The following ITGA8 variants were observed in gnomAD, a reference collection of about 807,000 sequenced individuals.
ITGA8 encodes integrin subunit alpha 8.
Under a neutral mutation model 142.3 loss-of-function variants are expected in ITGA8, and 91 were observed. That is an observed-to-expected ratio of 0.64 (90% CI 0.54 to 0.76). ITGA8 has a LOEUF of 0.76. ITGA8 is among the 30% of genes least tolerant of loss of function. The pLI is 0.00. For missense variants in ITGA8, 1,406 were observed against 1,327.7 expected, an observed-to-expected ratio of 1.06 and a Z score of -0.92; for synonymous variants, 505 against 485.2, an observed-to-expected ratio of 1.04 and a Z score of -0.54.
chr10:15,672,102 C>A (rs1304900548), intron 7 of ITGA8, among the ~76,000 whole-genome samples: 1 of 152,168 alleles, frequency 6.6e-6, no homozygotes, highest in East Asian at 1.9e-4. Context: ...TGGTTTTCCA[C>A]AATTTAGTTT....
In ITGA8 at chr10:15,672,651, G is replaced by T; in HGVS notation, c.775C>A (p.Pro259Thr). The T allele has an allele frequency of 6.2e-7, 1 of 1,613,628 alleles. No homozygotes were observed. Among genetic ancestry groups the T allele is most frequent in the Non-Finnish European group, 8.5e-7 (1 of 1,179,746 alleles). Residue 259 changes from proline to threonine, a missense_variant, in exon 7 of 30, where the codon CCA (proline) becomes ACA (threonine). By Grantham distance (38) the Pro-to-Thr change is conservative. Transcript: ENST00000378076. ...LAGEKQTEVA[P>T]ASYDDSYLGY... Reference sequence around the variant, plus strand: ...AGGTAACTGTCATCATAGGAAGCTGGAGCCACTTCCGTCTGCTTTTCTCCT... The same window carrying T: ...AGGTAACTGTCATCATAGGAAGCTGTAGCCACTTCCGTCTGCTTTTCTCCT...
chr10:15,591,569 A>G (rs1216286438), intron 22 of ITGA8, among the ~76,000 whole-genome samples: 1 of 152,076 alleles, frequency 6.6e-6, no homozygotes, highest in African/African-American at 2.4e-5. Flanking sequence ...CCACACTACT[A>G]CTTTCTTCAG....
In ITGA8 at chr10:15,548,473, C is replaced by T; in HGVS notation, c.2862G>A (p.Trp954Ter). Residue 954 changes from tryptophan to a stop codon, truncating the protein, a stop_gained, in exon 27 of 30, where the codon TGG becomes TGA. Coordinates refer to ENST00000378076, the MANE Select transcript of ITGA8 (RefSeq NM_003638.3). LOFTEE classifies it high-confidence loss of function. ...SAVLKVRSRLWAHTFLQRKND... is the reference protein window; with the variant it reads ...SAVLKVRSRL ...TTATTACCTGGAGGAAGGTGTGGGC[C>T]CATAATCGTGACCTGACTTTCAGGA... 1 of 1,609,202 alleles carries T rather than the reference C, an allele frequency of 6.2e-7. No homozygotes were observed. The highest frequency in any genetic ancestry group is 8.5e-7 in the Non-Finnish European group (1 of 1,178,068).
intron 26 of ITGA8, among the ~76,000 whole-genome samples, chr10:15,555,742 C>G (rs1006235505): frequency 6.6e-6 from 1 of 151,610 alleles, no homozygotes; most frequent in Non-Finnish European, 1.5e-5. Context: ...GTTGCCCAGG[C>G]TGGAGTGCAG....
chr10:15,527,906 C>G (rs530035481), intron 28 of ITGA8, among the ~76,000 whole-genome samples: 1 of 78,034 alleles, frequency 1.3e-5, no homozygotes, highest in African/African-American at 5.3e-5. Flanking sequence ...TTCGGCTGGG[C>G]TTTTTTTTTT....
At chr10:15,649,726 T>G (rs1193704164) in intron 11 of ITGA8, among the ~76,000 whole-genome samples, 1 of 152,110 alleles carries the variant, frequency 6.6e-6, no homozygotes, top group Non-Finnish European at 1.5e-5. Context: ...CGTTAGGAAT[T>G]GCAAATTAAA....
intron 2 of ITGA8, among the ~76,000 whole-genome samples, chr10:15,700,692 A>G (rs971854677): frequency 6.6e-6 from 1 of 152,230 alleles, no homozygotes; most frequent in Non-Finnish European, 1.5e-5. Flanking sequence ...AATATCCAGA[A>G]TCTACAAAGA....
At chr10:15,676,214 A>G (rs1048746575) in intron 6 of ITGA8, among the ~76,000 whole-genome samples, 9 of 151,918 alleles carry the variant, frequency 5.9e-5, no homozygotes, top group Admixed American at 6.6e-5. Context: ...TCACCTAGGT[A>G]CTCCTACGTA....
intron 13 of ITGA8, among the ~76,000 whole-genome samples, chr10:15,617,239 T>C (rs924865696): frequency 4.6e-5 from 7 of 152,072 alleles, no homozygotes; most frequent in Non-Finnish European, 1.0e-4. Context: ...TGCAAATGAG[T>C]CAATTGAGAC....
rs539952059 is a variant in ITGA8, at chr10:15,544,445, G to GT, written c.2880+4009dup. ...CTGACACGTTGGTTTCAGACTTCTGGTTTTGGACTTTGAGAGAATAAATTT... is the reference window on the plus strand; with the variant it reads ...CTGACACGTTGGTTTCAGACTTCTGGTTTTTGGACTTTGAGAGAATAAATTT... On this transcript the variant is annotated intron_variant, in intron 27 of 29. Coordinates refer to ENST00000378076, the MANE Select transcript of ITGA8 (RefSeq NM_003638.3). Among the ~76,000 whole-genome samples, 8 of 152,278 alleles carry GT rather than the reference G, an allele frequency of 5.3e-5. No homozygotes were observed. In the East Asian group the frequency reaches 1.5e-3, roughly 29 times the overall value.
At chr10:15,582,829 T>C (rs1196802068) in intron 23 of ITGA8, among the ~76,000 whole-genome samples, 1 of 152,268 alleles carries the variant, frequency 6.6e-6, no homozygotes. Context: ...TTGGTGGGAA[T>C]GAAGAATGGA....
chr10:15,530,170 C>A (rs1031586957), intron 28 of ITGA8, among the ~76,000 whole-genome samples: 4 of 152,170 alleles, frequency 2.6e-5, no homozygotes, highest in South Asian at 4.1e-4. Context: ...CTTTGCATGG[C>A]CTTGCCAGGT....
intron 2 of ITGA8, among the ~76,000 whole-genome samples, chr10:15,714,406 G>A (rs1470321362): frequency 6.6e-6 from 1 of 152,176 alleles, no homozygotes; most frequent in Non-Finnish European, 1.5e-5. Flanking sequence ...GAGTTCCTGA[G>A]ACAAAAGTGA....
intron 22 of ITGA8, among the ~76,000 whole-genome samples, chr10:15,589,166 T>G (rs188999020): frequency 4.6e-5 from 7 of 152,348 alleles, no homozygotes; most frequent in Non-Finnish European, 1.0e-4. Context: ...CACCCTATGT[T>G]ATATACTATG....
chr10:15,657,717 C>A (rs930400679), intron 10 of ITGA8, among the ~76,000 whole-genome samples: 1 of 151,796 alleles, frequency 6.6e-6, no homozygotes, highest in Non-Finnish European at 1.5e-5. Context: ...TCCAGGCAAT[C>A]GATTTTTCTC....
intron 28 of ITGA8, among the ~76,000 whole-genome samples, chr10:15,522,526 G>T (rs552491817): frequency 6.6e-6 from 1 of 152,308 alleles, no homozygotes; most frequent in South Asian, 2.1e-4. Context: ...ATGACCCCAG[G>T]AGAGAAATCT....
intron 13 of ITGA8, among the ~76,000 whole-genome samples, chr10:15,637,504 ATTT>A (rs59157680): frequency 7.6e-6 from 1 of 131,176 alleles, no homozygotes. Flanking sequence ...GACTCTTTAA[ATTT>A]TTTTTTTTTT....
chr10:15,609,584 G>GAAATC (rs1833256272), intron 15 of ITGA8, among the ~76,000 whole-genome samples: 1 of 152,164 alleles, frequency 6.6e-6, no homozygotes, highest in African/African-American at 2.4e-5. Context: ...CTTCCCCAGA[G>GAAATC]AAATCACTGA....
intron 2 of ITGA8, among the ~76,000 whole-genome samples, chr10:15,689,598 C>T (rs762867025): frequency 7.9e-5 from 12 of 152,290 alleles, no homozygotes; most frequent in South Asian, 2.1e-4. Context: ...ACTCCAGAGA[C>T]GGAGCTCACT....
Sources: gnomAD v4.1 joint callset for allele counts (sites outside exome capture counted in the v4.1 genomes callset) on GRCh38, gnomAD v4.1.1 for gene constraint, MANE v1.5 for transcripts, NCBI Gene and HGNC (gene_info 2026-07-23, HGNC 2026-07-21) for gene names.